NET1: variants seen among roughly 807,000 people sequenced by gnomAD.
NET1 encodes neuroepithelial cell-transforming gene 1 protein.
Under a neutral mutation model 61.1 loss-of-function variants are expected in NET1, and 42 were observed. The ratio of observed to expected loss-of-function variants is 0.69; its 90% confidence interval spans 0.54 to 0.89. NET1 has a LOEUF of 0.89. Among genes scored for constraint, NET1 ranks in the 40% least tolerant of loss-of-function variants. The pLI is 0.00. For synonymous variants in NET1, 254 were observed against 281.8 expected (o/e 0.90, Z 0.99); for missense variants, 654 against 747.3 (o/e 0.88, Z 1.46).
At position 5,447,162 on chromosome 10, in the gene NET1, C is replaced by T. The variant is rs1467694307; in HGVS notation, c.256-4668C>T. 6.6e-6 allele frequency among the ~76,000 whole-genome samples: 1 copy of T among 152,142 alleles called. No individual in the cohort carries two copies. Among genetic ancestry groups the T allele is most frequent in the African/African-American group, 2.4e-5 (1 of 41,438 alleles). ...ATGCTTAATATAATTGTTTTTTTAA[C>T]TTGAATTGATATCATCCAGTCTTAG... On this transcript the variant is annotated intron_variant, in intron 3 of 11. Coordinates refer to ENST00000355029, the MANE Select transcript of NET1 (RefSeq NM_001047160.3). This position sits in a 1 kb window ranked among gnomAD's most constrained non-coding sequence, Gnocchi z 4.1.
At chr10:5,413,863 G>A (rs1832040595) in intron 1 of NET1, among the ~76,000 whole-genome samples, 2 of 152,158 alleles carry the variant, frequency 1.3e-5, no homozygotes, top group African/African-American at 4.8e-5. Context: ...TACTATTTAA[G>A]ATTTATAATC....
chr10:5,456,936 T>C lies in NET1; in HGVS notation c.1733T>C (p.Ile578Thr). 6.2e-7 allele frequency: 1 copy of C among 1,606,458 alleles called. No homozygotes were observed. The highest frequency in any genetic ancestry group is 1.1e-5 in the South Asian group (1 of 90,050). Reference sequence around the variant, plus strand: ...AAGACACACCAGACACAGCCCGGCATCCGAAGAGCGAGGGACAAAGCCCTT... The same window carrying C: ...AAGACACACCAGACACAGCCCGGCACCCGAAGAGCGAGGGACAAAGCCCTT... ...SLKTHQTQPGIRRARDKALSG... is the reference protein window; with the variant it reads ...SLKTHQTQPGTRRARDKALSG... Residue 578 changes from isoleucine to threonine, a missense_variant, in exon 12 of 12, where the codon ATC becomes ACC. Physicochemically the swap from Ile to Thr is moderately conservative, Grantham distance 89 (BLOSUM62 -1). Coordinates refer to ENST00000355029, the MANE Select transcript of NET1 (RefSeq NM_001047160.3). This position sits in a 1 kb window ranked among gnomAD's most constrained non-coding sequence, Gnocchi z 7.0.
rs775097623 is a variant in NET1, at chr10:5,429,188, A to G, written c.214A>G (p.Lys72Glu). ...DFTLKRKRREKDDDVVSLSSL... is the reference protein window; with the variant it reads ...DFTLKRKRREEDDDVVSLSSL... ...CTTTTAGAAAAGAAAACGCAGAGAGAAAGATGATGATGTTGTAAGCCTTAG... is the reference window on the plus strand; with the variant it reads ...CTTTTAGAAAAGAAAACGCAGAGAGGAAGATGATGATGTTGTAAGCCTTAG... The change falls in exon 3 of 12, where the codon AAA becomes GAA. Residue 72 changes from lysine (K) to glutamate (E), a missense_variant. Coordinates refer to ENST00000355029, the MANE Select transcript of NET1 (RefSeq NM_001047160.3). 2.5e-6 allele frequency: 4 copies of G among 1,610,626 alleles called. No individual in the cohort carries two copies. In the South Asian group the frequency reaches 3.3e-5, roughly 13 times the overall value.
chr10:5,423,180 A>G lies in NET1; in HGVS notation c.129-3475A>G, dbSNP rs1398351279. 1.3e-5 allele frequency among the ~76,000 whole-genome samples: 2 copies of G among 152,188 alleles called. No individual in the cohort carries two copies. The highest frequency in any genetic ancestry group is 1.5e-5 in the Non-Finnish European group (1 of 68,006). ...ATTCTACATCCATTTTTTATGGTGA[A>G]TGCATCTTGAGGGTAAATTATGCTT... On this transcript the variant is annotated intron_variant, in intron 1 of 11. Transcript: ENST00000355029. The surrounding 1 kb of genome is among the most constrained non-coding windows in gnomAD (Gnocchi z 4.4).
At position 5,455,184 on chromosome 10, in the gene NET1, G is replaced by C; in HGVS notation, c.1197+66G>C. On this transcript the variant is annotated intron_variant, in intron 10 of 11. Coordinates refer to ENST00000355029, the MANE Select transcript of NET1 (RefSeq NM_001047160.3). The surrounding 1 kb of genome is among the most constrained non-coding windows in gnomAD (Gnocchi z 6.5). ...CTGCCTCTTTAACTTTTACACGTTT[G>C]TTATGAAGCAGGCTTGTAAAGGGAA... is the stretch of plus-strand genomic sequence containing the variant. The C allele has an allele frequency of 6.7e-7, 1 of 1,500,174 alleles. No individual in the cohort carries two copies. 92.9% of individuals were successfully genotyped at this position (1,500,174 alleles called of 1,614,324 possible). A position where few individuals can be genotyped will look rare whatever the true frequency, so the allele number is the denominator to read the frequency against.
Position 5,447,239 on chromosome 10 carries a change from G to A in NET1, c.256-4591G>A, listed in dbSNP as rs1290006499. On this transcript the variant is annotated intron_variant, in intron 3 of 11. Coordinates refer to ENST00000355029, the MANE Select transcript of NET1 (RefSeq NM_001047160.3). The surrounding 1 kb of genome is among the most constrained non-coding windows in gnomAD (Gnocchi z 4.1). The stretch of plus-strand genomic sequence containing the variant: ...AAGAATCCCGTTCTTGTAAATCAAT[G>A]CTAGTGAACAAATTGCAACTAAAGT... 6.6e-6 allele frequency among the ~76,000 whole-genome samples: 1 copy of A among 152,186 alleles called. No homozygotes were observed. Among genetic ancestry groups the A allele is most frequent in the African/African-American group, 2.4e-5 (1 of 41,442 alleles).
Position 5,456,023 on chromosome 10 carries a change from C to A in NET1, c.1198-64C>A. On this transcript the variant is annotated intron_variant, in intron 10 of 11. Transcript: ENST00000355029. This position sits in a 1 kb window ranked among gnomAD's most constrained non-coding sequence, Gnocchi z 7.0. ...AATTAATAATGTCGAGTTATTTTAG[C>A]AATATATTTCAGTCACTTAAAAACA... The A allele has an allele frequency of 7.2e-7, 1 of 1,387,958 alleles. No individual in the cohort carries two copies. Among genetic ancestry groups the A allele is most frequent in the East Asian group, 2.3e-5 (1 of 42,596 alleles). 86.0% of individuals were successfully genotyped at this position (1,387,958 alleles called of 1,614,324 possible). A position where few individuals can be genotyped will look rare whatever the true frequency, so the allele number is the denominator to read the frequency against.
In NET1 at chr10:5,416,789, G is replaced by A. The variant is rs550225503; in HGVS notation, c.128+3969G>A. On this transcript the variant is annotated intron_variant, in intron 1 of 11. Transcript: ENST00000355029. The surrounding 1 kb of genome is among the most constrained non-coding windows in gnomAD (Gnocchi z 6.1). The stretch of plus-strand genomic sequence containing the variant: ...AGGGGAACATATAGATAGGCAGGCT[G>A]TGGGGCTCCAACCCCATAGCCATGT... 9.5e-4 allele frequency among the ~76,000 whole-genome samples: 145 copies of A among 152,282 alleles called. No homozygotes were observed. Among genetic ancestry groups the A allele is most frequent in the Non-Finnish European group, 1.8e-3 (122 of 68,020 alleles).
In NET1 at chr10:5,437,784, C is replaced by T. The variant is rs1564463287; in HGVS notation, c.255+8555C>T. On this transcript the variant is annotated intron_variant, in intron 3 of 11. Coordinates refer to ENST00000355029, the MANE Select transcript of NET1 (RefSeq NM_001047160.3). The surrounding 1 kb of genome is among the most constrained non-coding windows in gnomAD (Gnocchi z 4.3). Reference sequence around the variant, plus strand: ...CCTAACAGACATACAGAGCCCTTCACCCAACAACAGTAGATTATACATTTT... The same window carrying T: ...CCTAACAGACATACAGAGCCCTTCATCCAACAACAGTAGATTATACATTTT... Among the ~76,000 whole-genome samples, 1 of 152,036 alleles carries T rather than the reference C, an allele frequency of 6.6e-6. No individual in the cohort carries two copies. The highest frequency in any genetic ancestry group is 2.4e-5 in the African/African-American group (1 of 41,380).
At chr10:5,425,611 G>C (rs954891770) in intron 1 of NET1, among the ~76,000 whole-genome samples, 1 of 152,152 alleles carries the variant, frequency 6.6e-6, no homozygotes, top group Non-Finnish European at 1.5e-5. Flanking sequence ...TCCACTTCTA[G>C]TTAGCCTGCC....
rs1034697140 is a variant in NET1, at chr10:5,444,190, T to C, written c.256-7640T>C. Among the ~76,000 whole-genome samples, 4 of 152,170 alleles carry C rather than the reference T, an allele frequency of 2.6e-5. No homozygotes were observed. The highest frequency in any genetic ancestry group is 1.9e-4 in the East Asian group (1 of 5,196). On this transcript the variant is annotated intron_variant, in intron 3 of 11. Transcript: ENST00000355029. This position sits in a 1 kb window ranked among gnomAD's most constrained non-coding sequence, Gnocchi z 5.3. The stretch of plus-strand genomic sequence containing the variant: ...CTCTTAAGGCCAACCACATCACACA[T>C]ACTGCCCAGGACAGACTGGACAATA...
rs1035300184 is a variant in NET1, at chr10:5,456,029, A to G, written c.1198-58A>G. The G allele has an allele frequency of 2.4e-5, 35 of 1,472,516 alleles. No individual in the cohort carries two copies. The East Asian group carries it at 5.7e-4, about 24-fold the overall frequency. 91.2% of individuals were successfully genotyped at this position (1,472,516 alleles called of 1,614,324 possible). On this transcript the variant is annotated intron_variant, in intron 10 of 11. Coordinates refer to ENST00000355029, the MANE Select transcript of NET1 (RefSeq NM_001047160.3). The surrounding 1 kb of genome is among the most constrained non-coding windows in gnomAD (Gnocchi z 7.0). ...TAATGTCGAGTTATTTTAGCAATAT[A>G]TTTCAGTCACTTAAAAACACAAGTT...
rs1400607883 is a variant in NET1, at chr10:5,451,658, C to G, written c.256-172C>G. Among the ~76,000 whole-genome samples, 2 of 152,114 alleles carry G rather than the reference C, an allele frequency of 1.3e-5. No homozygotes were observed. Among genetic ancestry groups the G allele is most frequent in the African/African-American group, 4.8e-5 (2 of 41,400 alleles). On this transcript the variant is annotated intron_variant, in intron 3 of 11. Coordinates refer to ENST00000355029, the MANE Select transcript of NET1 (RefSeq NM_001047160.3). The surrounding 1 kb of genome is among the most constrained non-coding windows in gnomAD (Gnocchi z 6.1). The stretch of plus-strand genomic sequence containing the variant: ...ACACTTATTTTTTGAAAAGTTACTG[C>G]TACTCAATAGAGTTCTTATTGTTTT...
rs1010769165 is a variant in NET1, at chr10:5,449,658, G to A, written c.256-2172G>A. 6.6e-6 allele frequency among the ~76,000 whole-genome samples: 1 copy of A among 152,100 alleles called. No homozygotes were observed. The highest frequency in any genetic ancestry group is 1.5e-5 in the Non-Finnish European group (1 of 67,998). On this transcript the variant is annotated intron_variant, in intron 3 of 11. Transcript: ENST00000355029. This position sits in a 1 kb window ranked among gnomAD's most constrained non-coding sequence, Gnocchi z 4.4. ...GTTTTAAAATATCACATAATTTTGAGTTACCAGGAAGTTAGTAGTTGTACA... is the reference window on the plus strand; with the variant it reads ...GTTTTAAAATATCACATAATTTTGAATTACCAGGAAGTTAGTAGTTGTACA...
Position 5,454,812 on chromosome 10 carries a change from C to A in NET1, c.1027-136C>A. On this transcript the variant is annotated intron_variant, in intron 9 of 11. Transcript: ENST00000355029. The surrounding 1 kb of genome is among the most constrained non-coding windows in gnomAD (Gnocchi z 8.1). ...TTTCTTGATCTATAAAATGAACAGA[C>A]TGGCAGAATTAACTGATTTCTAGAG... is the stretch of plus-strand genomic sequence containing the variant. 1 of 831,568 alleles carries A rather than the reference C, an allele frequency of 1.2e-6. No individual in the cohort carries two copies. The highest frequency in any genetic ancestry group is 1.9e-6 in the Non-Finnish European group (1 of 537,050). 51.5% of individuals were successfully genotyped at this position (831,568 alleles called of 1,614,324 possible).
rs1294879761 is a variant in NET1, at chr10:5,447,392, TTGTC to T, written c.256-4435_256-4432del. ...ACTCATTATTTTTACCCTCCTTGCTTTGTCTGAGTCTTTTTTTAGTCTTTATGAA... is the reference window on the plus strand; with the variant it reads ...ACTCATTATTTTTACCCTCCTTGCTTTGAGTCTTTTTTTAGTCTTTATGAA... On this transcript the variant is annotated intron_variant, in intron 3 of 11. Transcript: ENST00000355029. The surrounding 1 kb of genome is among the most constrained non-coding windows in gnomAD (Gnocchi z 4.1). 3.3e-5 allele frequency among the ~76,000 whole-genome samples: 5 copies of T among 152,230 alleles called. No homozygotes were observed. Among genetic ancestry groups the T allele is most frequent in the Non-Finnish European group, 7.3e-5 (5 of 68,046 alleles).
chr10:5,417,451 T>G lies in NET1; in HGVS notation c.128+4631T>G, dbSNP rs1042853693. Among the ~76,000 whole-genome samples the G allele has an allele frequency of 2.0e-5, 3 of 152,194 alleles. No individual in the cohort carries two copies. The highest frequency in any genetic ancestry group is 4.4e-5 in the Non-Finnish European group (3 of 68,038). Reference sequence around the variant, plus strand: ...CTACGCAGCACTTCCCTGCCCCGCTTTGTATCACTTTATTTTCAGTTTAAT... The same window carrying G: ...CTACGCAGCACTTCCCTGCCCCGCTGTGTATCACTTTATTTTCAGTTTAAT... On this transcript the variant is annotated intron_variant, in intron 1 of 11. Coordinates refer to ENST00000355029, the MANE Select transcript of NET1 (RefSeq NM_001047160.3). The surrounding 1 kb of genome is among the most constrained non-coding windows in gnomAD (Gnocchi z 5.5).
Position 5,458,798 on chromosome 10 carries a change from A to G in NET1, c.*1804A>G, listed in dbSNP as rs576501852. Among the ~76,000 whole-genome samples the G allele has an allele frequency of 2.0e-5, 3 of 152,354 alleles. No homozygotes were observed. Among genetic ancestry groups the G allele is most frequent in the African/African-American group, 7.2e-5 (3 of 41,576 alleles). On this transcript the variant is annotated 3_prime_UTR_variant, in exon 12 of 12. Coordinates refer to ENST00000355029, the MANE Select transcript of NET1 (RefSeq NM_001047160.3). This position sits in a 1 kb window ranked among gnomAD's most constrained non-coding sequence, Gnocchi z 4.5. Reference sequence around the variant, plus strand: ...TTCTTGTCTTTGGAAATTCACATTCATAAGTGTATATTACACCAATGATTG... The same window carrying G: ...TTCTTGTCTTTGGAAATTCACATTCGTAAGTGTATATTACACCAATGATTG...
chr10:5,448,495 A>C (rs527266156), intron 3 of NET1, among the ~76,000 whole-genome samples: 1 of 152,324 alleles, frequency 6.6e-6, no homozygotes, highest in Non-Finnish European at 1.5e-5. Context: ...CTGCCTGGCT[A>C]ACCTAGTCTG....
Sources: allele counts gnomAD v4.1 joint callset (sites outside exome capture counted in the v4.1 genomes callset), GRCh38; gene constraint gnomAD v4.1.1; non-coding constraint Gnocchi (gnomAD v3.1); transcripts MANE v1.5; gene names NCBI Gene and HGNC (gene_info 2026-07-23, HGNC 2026-07-21).